BCL2: variants seen among roughly 807,000 people sequenced by gnomAD.
The protein encoded by BCL2 is apoptosis regulator Bcl-2.
Under a neutral mutation model 14.2 loss-of-function variants are expected in BCL2, and 1 was observed. The ratio of observed to expected loss-of-function variants is 0.07; its 90% CI spans 0.02 to 0.33. The LOEUF is 0.33. BCL2 is among the 10% of genes least tolerant of loss of function. The pLI is 0.99. For missense variants in BCL2, 247 were observed against 305.9 expected (o/e 0.81, Z 1.44); for synonymous variants, 151 against 137.2 (o/e 1.10, Z -0.70).
intron 2 of BCL2, among the ~76,000 whole-genome samples, chr18:63,233,073 T>G (rs1233019551): frequency 1.3e-5 from 2 of 152,174 alleles, no homozygotes; most frequent in Non-Finnish European, 2.9e-5. Context: ...CTTCCCACTG[T>G]GCCCTCATAC....
chr18:63,187,655 G>C (rs1171404932), intron 2 of BCL2, among the ~76,000 whole-genome samples: 1 of 152,192 alleles, frequency 6.6e-6, no homozygotes, highest in East Asian at 1.9e-4. Flanking sequence ...CAGGTGAAGG[G>C]TGTCAGAAAA....
chr18:63,199,229 C>A (rs530948721), intron 2 of BCL2, among the ~76,000 whole-genome samples: 1 of 148,136 alleles, frequency 6.8e-6, no homozygotes, highest in African/African-American at 2.5e-5. Context: ...ACACACTACA[C>A]AACACATGCA....
chr18:63,221,380 G>A (rs978185085), intron 2 of BCL2, among the ~76,000 whole-genome samples: 1 of 152,030 alleles, frequency 6.6e-6, no homozygotes, highest in Non-Finnish European at 1.5e-5. Context: ...ACAAGGATGT[G>A]AAATTCCCAA....
At chr18:63,266,067 T>C (rs1167839643) in intron 2 of BCL2, among the ~76,000 whole-genome samples, 1 of 152,134 alleles carries the variant, frequency 6.6e-6, no homozygotes, top group Non-Finnish European at 1.5e-5. Flanking sequence ...AATTCCAGGA[T>C]TTTATCCTGC....
intron 2 of BCL2, among the ~76,000 whole-genome samples, chr18:63,283,243 T>C (rs1162019545): frequency 1.3e-5 from 2 of 152,212 alleles, no homozygotes; most frequent in East Asian, 1.9e-4. Flanking sequence ...ACAAATGTCA[T>C]TTTCCGAGTT....
intron 2 of BCL2, among the ~76,000 whole-genome samples, chr18:63,140,289 C>A (rs1053653739): frequency 1.3e-5 from 2 of 152,228 alleles, no homozygotes; most frequent in Non-Finnish European, 2.9e-5. Context: ...AGCAATTCAA[C>A]TCCTAGTACA....
At chr18:63,234,655 T>C (rs183970547) in intron 2 of BCL2, among the ~76,000 whole-genome samples, 58 of 152,306 alleles carry the variant, frequency 3.8e-4, no homozygotes, top group Non-Finnish European at 7.5e-4. Context: ...GGGATACTCA[T>C]AGTAGTTATG....
intron 2 of BCL2, among the ~76,000 whole-genome samples, chr18:63,188,583 G>A (rs535860638): frequency 6.6e-6 from 1 of 151,876 alleles, no homozygotes; most frequent in East Asian, 1.9e-4. Flanking sequence ...AACATAAACT[G>A]GAAAATATTT....
intron 2 of BCL2, among the ~76,000 whole-genome samples, chr18:63,312,450 G>C (rs1304985777): frequency 6.6e-6 from 1 of 152,192 alleles, no homozygotes; most frequent in East Asian, 1.9e-4. Context: ...GCATATATAA[G>C]AACAACAAGT....
At chr18:63,243,547 T>C (rs1481870995) in intron 2 of BCL2, among the ~76,000 whole-genome samples, 7 of 152,152 alleles carry the variant, frequency 4.6e-5, no homozygotes, top group Admixed American at 4.6e-4. Context: ...AAATTAACAT[T>C]AAAAAATTCA....
chr18:63,218,642 C>CT (rs373971242), intron 2 of BCL2, among the ~76,000 whole-genome samples: 2 of 107,986 alleles, frequency 1.9e-5, no homozygotes, highest in Non-Finnish European at 4.0e-5. Flanking sequence ...TCCACTCATC[C>CT]CATCCTCCAC....
chr18:63,162,113 A>G (rs897458300), intron 2 of BCL2, among the ~76,000 whole-genome samples: 2 of 152,226 alleles, frequency 1.3e-5, no homozygotes, highest in Non-Finnish European at 1.5e-5. Flanking sequence ...CAAATCTGGA[A>G]TGTGTCCATT....
rs148572850 is a variant in BCL2 at position 63,221,604 on chromosome 18, T to C, written c.586-92845A>G. On this transcript the variant is annotated intron_variant, in intron 2 of 2. Coordinates refer to ENST00000333681, the MANE Select transcript of BCL2 (RefSeq NM_000633.3). ...AATAGTGGTGAGATTCTAATGCCCA[T>C]GCAGGGACATGACCTTGGTCTTGCA... Among the ~76,000 whole-genome samples the C allele has an allele frequency of 9.2e-5, 14 of 152,316 alleles. No individual in the cohort carries two copies. In the East Asian group the frequency reaches 2.7e-3, roughly 29 times the overall value.
chr18:63,143,114 C>T (rs560392707), intron 2 of BCL2, among the ~76,000 whole-genome samples: 4 of 152,262 alleles, frequency 2.6e-5, no homozygotes, highest in Admixed American at 1.3e-4. Flanking sequence ...CTGTTTACGG[C>T]GAAGGACCTC....
chr18:63,294,206 C>T (rs1232691866), intron 2 of BCL2, among the ~76,000 whole-genome samples: 1 of 151,960 alleles, frequency 6.6e-6, no homozygotes, highest in Non-Finnish European at 1.5e-5. Context: ...GAAACGATGC[C>T]AGACTTCTCG....
At chr18:63,169,367 T>TTCTTTCTTTCTTTCTTTCTTTCTC (rs1568222672) in intron 2 of BCL2, among the ~76,000 whole-genome samples, 1 of 32,494 alleles carries the variant, frequency 3.1e-5, no homozygotes, top group Admixed American at 3.5e-4. Context: ...CTTTCTTTCT[T>TTCTTTCTTTCTTTCTTTCTTTCTC]TCTCTTTCTT....
intron 2 of BCL2, among the ~76,000 whole-genome samples, chr18:63,155,031 G>T (rs899968): frequency 0.66 from 99,930 of 152,026 alleles, 33,673 homozygotes; most frequent in African/African-American, 0.81. Context: ...TTCTCAAGTC[G>T]TCACAGCTTC....
intron 2 of BCL2, among the ~76,000 whole-genome samples, chr18:63,142,704 A>G (rs1914398402): frequency 6.6e-6 from 1 of 152,192 alleles, no homozygotes; most frequent in Non-Finnish European, 1.5e-5. Context: ...AGAGAAGAAC[A>G]ATTACATCCT....
intron 2 of BCL2, among the ~76,000 whole-genome samples, chr18:63,252,963 G>A (rs1209541703): frequency 6.6e-6 from 1 of 152,180 alleles, no homozygotes; most frequent in Non-Finnish European, 1.5e-5. Flanking sequence ...CCTAACATCT[G>A]CTATTTCCCG....
Sources: gnomAD v4.1 joint callset for allele counts (sites outside exome capture counted in the v4.1 genomes callset) on GRCh38, gnomAD v4.1.1 for gene constraint, MANE v1.5 for transcripts, NCBI Gene and HGNC (gene_info 2026-07-23, HGNC 2026-07-21) for gene names.